The following KATNIP variants were observed in gnomAD, a reference collection of about 807,000 sequenced individuals.
The protein encoded by KATNIP is katanin-interacting protein.
Under a neutral mutation model 174.0 loss-of-function variants are expected in KATNIP, and 126 were observed. That is an observed-to-expected ratio of 0.72 (90% confidence interval 0.63 to 0.84). The LOEUF (loss-of-function observed/expected upper bound fraction) is 0.84, where lower values mean the gene tolerates loss of function less well. KATNIP is among the 40% of genes least tolerant of loss of function. The pLI, the probability that KATNIP is intolerant of heterozygous loss-of-function variation, is 0.00. For missense variants in KATNIP, 1,958 were observed against 2,109.7 expected, an observed-to-expected ratio of 0.93 and a Z score of 1.41; for synonymous variants, 810 against 835.7, an observed-to-expected ratio of 0.97 and a Z score of 0.53.
chr16:27,738,994 T>C (rs549818200), intron 14 of KATNIP, among the ~76,000 whole-genome samples: 1 of 147,780 alleles, frequency 6.8e-6, no homozygotes, highest in Admixed American at 6.7e-5. Context: ...ACTCCCATGA[T>C]CTGATTTCAG....
At chr16:27,612,252 C>A (rs1354798784) in intron 2 of KATNIP, among the ~76,000 whole-genome samples, 1 of 152,180 alleles carries the variant, frequency 6.6e-6, no homozygotes, top group African/African-American at 2.4e-5. Context: ...CAGGTACAGG[C>A]ATCACCCCAT....
At chr16:27,565,370 G>A (rs549722032) in intron 1 of KATNIP, among the ~76,000 whole-genome samples, 2 of 151,712 alleles carry the variant, frequency 1.3e-5, no homozygotes, top group South Asian at 2.1e-4. Flanking sequence ...GGAGGCTGAG[G>A]TGGGAGAATC....
At chr16:27,569,792 TTGAG>T in intron 1 of KATNIP, among the ~76,000 whole-genome samples, 2 of 152,388 alleles carry the variant, frequency 1.3e-5, no homozygotes, top group Middle Eastern at 3.4e-3. Flanking sequence ...ATGCTCTTAA[TTGAG>T]TGAATTATCT....
chr16:27,646,886 C>G (rs1233625484), intron 5 of KATNIP, among the ~76,000 whole-genome samples: 1 of 152,180 alleles, frequency 6.6e-6, no homozygotes, highest in Non-Finnish European at 1.5e-5. Context: ...TTGCTTTCCT[C>G]CCCCCAGCAC....
chr16:27,551,335 A>G (rs1254602873), intron 1 of KATNIP, among the ~76,000 whole-genome samples: 1 of 152,186 alleles, frequency 6.6e-6, no homozygotes, highest in South Asian at 2.1e-4. Context: ...TTTTAATTGA[A>G]CATTCTGTCA....
chr16:27,628,909 T>G (rs963721648), intron 4 of KATNIP, 79 bp downstream of exon 4: 11 of 1,413,292 alleles, frequency 7.8e-6, no homozygotes. Flanking sequence ...GGCTCACACC[T>G]GTAATCACAT....
intron 5 of KATNIP, among the ~76,000 whole-genome samples, chr16:27,646,262 T>C (rs2076953671): frequency 6.6e-6 from 1 of 152,224 alleles, no homozygotes. Flanking sequence ...TTGCTCTTTC[T>C]GTTAGGGACA....
intron 1 of KATNIP, among the ~76,000 whole-genome samples, chr16:27,565,083 T>A (rs368554545): frequency 6.6e-6 from 1 of 151,428 alleles, no homozygotes; most frequent in East Asian, 2.0e-4. Context: ...TTTCAAACAG[T>A]CCTGCTCTTT....
At chr16:27,710,528 A>G (rs1467548285) in intron 13 of KATNIP, among the ~76,000 whole-genome samples, 1 of 152,070 alleles carries the variant, frequency 6.6e-6, no homozygotes, top group Non-Finnish European at 1.5e-5. Context: ...ATTCACAATT[A>G]TCTCCTCGGA....
At chr16:27,745,690 T>G (rs1257416736) in intron 15 of KATNIP, among the ~76,000 whole-genome samples, 1 of 152,232 alleles carries the variant, frequency 6.6e-6, no homozygotes, top group Non-Finnish European at 1.5e-5. Context: ...CATAGTCCTA[T>G]TCATCTCAAT....
At chr16:27,696,182 G>A (rs564802808) in intron 8 of KATNIP, among the ~76,000 whole-genome samples, 1 of 152,140 alleles carries the variant, frequency 6.6e-6, no homozygotes, top group Non-Finnish European at 1.5e-5. Flanking sequence ...TTATTACTTT[G>A]TAATTCTTGT....
intron 2 of KATNIP, among the ~76,000 whole-genome samples, chr16:27,614,022 CCCT>C (rs2075972194): frequency 6.6e-6 from 1 of 152,106 alleles, no homozygotes; most frequent in Non-Finnish European, 1.5e-5. Flanking sequence ...ACTCAAGCAA[CCCT>C]CCTCCTCAGC....
At chr16:27,632,450 C>G (rs2076518182) in intron 5 of KATNIP, 1 of 364,054 alleles carries the variant, frequency 2.7e-6, no homozygotes, top group Admixed American at 3.0e-5. Flanking sequence ...TGCAGTTGAG[C>G]TTCATGCCTC....
intron 5 of KATNIP, among the ~76,000 whole-genome samples, chr16:27,631,863 C>T (rs1304789561): frequency 6.6e-6 from 1 of 152,242 alleles, no homozygotes; most frequent in Non-Finnish European, 1.5e-5. Flanking sequence ...TGGGTTGCAG[C>T]TGGTGTGCTG....
intron 1 of KATNIP, among the ~76,000 whole-genome samples, chr16:27,554,865 C>T (rs566512409): frequency 1.1e-4 from 15 of 142,678 alleles, no homozygotes; most frequent in African/African-American, 3.7e-4. Context: ...GTGATCTTGG[C>T]TCACTGCAAC....
chr16:27,598,114 AGCTACTTAGGAG>A (rs749738176), intron 2 of KATNIP, among the ~76,000 whole-genome samples: 1 of 152,072 alleles, frequency 6.6e-6, no homozygotes. Flanking sequence ...CTGTTGCTCC[AGCTACTTAGGAG>A]GCTACTTAGG....
chr16:27,648,493 G>A (rs998484512), intron 5 of KATNIP, 111 bp from the exon 6 acceptor site: 1 of 1,261,662 alleles, frequency 7.9e-7, no homozygotes, highest in African/African-American at 1.5e-5. Context: ...ACCACCCCAT[G>A]GTATCTATGC....
intron 8 of KATNIP, among the ~76,000 whole-genome samples, chr16:27,690,727 T>C (rs1250454331): frequency 6.6e-6 from 1 of 152,190 alleles, no homozygotes; most frequent in African/African-American, 2.4e-5. Flanking sequence ...CCTGGACTTT[T>C]TGCCACACAA....
In KATNIP at chr16:27,749,706, A is replaced by G. The variant is rs973935955; in HGVS notation, c.2746A>G (p.Asn916Asp). ...FDRSHRGRIS[N>D]TELPGDILDE... ...CCGCTCCCACCGGGGACGCATCTCC[A>G]ACACGGAGCTCCCGGGGGACATCCT... The change falls in exon 16 of 28, where the codon AAC becomes GAC. Residue 916 changes from asparagine (N) to aspartate (D), a missense_variant. By Grantham distance (23) the Asn-to-Asp change is conservative. Around this residue, in one of 3 missense-constraint regions of KATNIP, gnomAD observed 1,557 missense variants for 1,617.8 expected, o/e 0.96. Transcript: ENST00000261588. 6.2e-7 allele frequency: 1 copy of G among 1,613,650 alleles called. No individual in the cohort carries two copies. The highest frequency in any genetic ancestry group is 8.5e-7 in the Non-Finnish European group (1 of 1,179,808).
Sources: allele counts gnomAD v4.1 joint callset (sites outside exome capture counted in the v4.1 genomes callset), GRCh38; gene constraint gnomAD v4.1.1; regional missense constraint gnomAD v4.1.1; transcripts MANE v1.5; gene names NCBI Gene and HGNC (gene_info 2026-07-23, HGNC 2026-07-21).